Variants in TAFA2 observed in about 807,000 individuals in gnomAD.
TAFA2 encodes the protein chemokine-like protein TAFA-2.
A neutral mutation model predicts 18.8 loss-of-function variants in TAFA2; 7 were observed. That is an observed-to-expected ratio of 0.37 (90% CI 0.21 to 0.70). The LOEUF is 0.70. TAFA2 is among the 30% of genes least tolerant of loss of function. The pLI is 0.53. For missense variants in TAFA2, 122 were observed against 158.1 expected (o/e 0.77, Z 1.23); for synonymous variants, 60 against 54.2 (o/e 1.11, Z -0.47).
chr12:61,741,917 G>C (rs1868471181), intron 4 of TAFA2, among the ~76,000 whole-genome samples: 1 of 152,010 alleles, frequency 6.6e-6, no homozygotes, highest in South Asian at 2.1e-4. Context: ...TATTCTTTTA[G>C]ACAGAGTCTC....
In TAFA2 at chr12:62,053,915, A is replaced by C. The variant is rs1442141886; in HGVS notation, c.-2+137344T>G. ...CTTAATACATAGAAAATGTTGAATA[A>C]ATGTCAGCCATTAGTAATATGTTCA... On this transcript the variant is annotated intron_variant, in intron 1 of 4. Coordinates refer to ENST00000416284, the MANE Select transcript of TAFA2 (RefSeq NM_178539.5). Among the ~76,000 whole-genome samples the C allele has an allele frequency of 2.0e-5, 3 of 152,342 alleles. No individual in the cohort carries two copies. The East Asian group carries it at 5.8e-4, about 29-fold the overall frequency.
At chr12:62,145,835 C>A (rs953744436) in intron 1 of TAFA2, among the ~76,000 whole-genome samples, 3 of 152,242 alleles carry the variant, frequency 2.0e-5, no homozygotes, top group Non-Finnish European at 4.4e-5. Context: ...GTGACTTAAC[C>A]TTTGCTAGTG....
rs140152345 is a variant in TAFA2 at position 61,798,243 on chromosome 12, C to A, written c.107-43219G>T. ...GCTAATGCATCATGACCTATAATTA[C>A]AAAATCATTTCTCTTAACTATTTGG... is the stretch of plus-strand genomic sequence containing the variant. On this transcript the variant is annotated intron_variant, in intron 2 of 4. Coordinates refer to ENST00000416284, the MANE Select transcript of TAFA2 (RefSeq NM_178539.5). Among the ~76,000 whole-genome samples the A allele has an allele frequency of 6.2e-3, 951 of 152,176 alleles. 3 individuals are homozygous for A. The highest frequency in any genetic ancestry group is 0.02 in the African/African-American group (827 of 41,520).
intron 1 of TAFA2, among the ~76,000 whole-genome samples, chr12:61,922,784 G>A (rs1877111385): frequency 6.6e-6 from 1 of 152,128 alleles, no homozygotes; most frequent in South Asian, 2.1e-4. Flanking sequence ...TGAAGCCAGG[G>A]AGCTGAGTGG....
At chr12:62,153,628 C>A (rs547756426) in intron 1 of TAFA2, among the ~76,000 whole-genome samples, 1 of 152,066 alleles carries the variant, frequency 6.6e-6, no homozygotes, top group African/African-American at 2.4e-5. Flanking sequence ...TATGATTGAA[C>A]CCCTGCACTC....
At chr12:61,778,522 T>G (rs1176908374) in intron 2 of TAFA2, among the ~76,000 whole-genome samples, 1 of 151,806 alleles carries the variant, frequency 6.6e-6, no homozygotes, top group African/African-American at 2.4e-5. Context: ...CTCCCTCTCA[T>G]GCATGACTTT....
chr12:61,902,117 G>A (rs1228838195), intron 1 of TAFA2, among the ~76,000 whole-genome samples: 1 of 126,710 alleles, frequency 7.9e-6, no homozygotes, highest in Non-Finnish European at 1.5e-5. Context: ...AAAAAAACCT[G>A]TATCTTTCTG....
intron 1 of TAFA2, among the ~76,000 whole-genome samples, chr12:61,920,854 G>GAA (rs142889418): frequency 6.8e-6 from 1 of 146,366 alleles, no homozygotes; most frequent in African/African-American, 2.5e-5. Context: ...GCTCTGGGGA[G>GAA]AAAAAAAAAA....
intron 1 of TAFA2, among the ~76,000 whole-genome samples, chr12:61,958,525 A>G (rs1432217562): frequency 3.3e-5 from 5 of 151,974 alleles, no homozygotes; most frequent in African/African-American, 1.2e-4. Flanking sequence ...TAGTATTTAT[A>G]AAGTTATATC....
At chr12:62,244,799 T>G (rs1399022283) in intron 1 of TAFA2, among the ~76,000 whole-genome samples, 2 of 152,214 alleles carry the variant, frequency 1.3e-5, no homozygotes, top group African/African-American at 4.8e-5. Flanking sequence ...CTCATTGCAC[T>G]TTTATTTTGC....
rs78238278 is a variant in TAFA2, at chr12:62,136,712, T to C, written c.-2+54547A>G. Among the ~76,000 whole-genome samples the C allele has an allele frequency of 4.5e-3, 679 of 152,176 alleles. 6 individuals are homozygous for C. Among genetic ancestry groups the C allele is most frequent in the African/African-American group, 0.015 (629 of 41,518 alleles). ...GATAACATCTTCTAACCACAAAGTG[T>C]TGTGTGGTGAAATATTTGTTAAGAG... On this transcript the variant is annotated intron_variant, in intron 1 of 4. Coordinates refer to ENST00000416284, the MANE Select transcript of TAFA2 (RefSeq NM_178539.5).
At chr12:61,920,469 T>G (rs1321879307) in intron 1 of TAFA2, among the ~76,000 whole-genome samples, 2 of 152,196 alleles carry the variant, frequency 1.3e-5, no homozygotes. Flanking sequence ...AAACCTTATC[T>G]TCCATTAGTT....
chr12:62,207,480 AC>A (rs2062697046), intron 1 of TAFA2, among the ~76,000 whole-genome samples: 1 of 152,080 alleles, frequency 6.6e-6, no homozygotes, highest in Non-Finnish European at 1.5e-5. Context: ...AAACACACAC[AC>A]ACACACACAT....
At position 61,812,318 on chromosome 12, in the gene TAFA2, C is replaced by T. The variant is rs142806027; in HGVS notation, c.106+55002G>A. On this transcript the variant is annotated intron_variant, in intron 2 of 4. Transcript: ENST00000416284. ...AATGGTGTCTCCAAGTCAAGACCCT[C>T]CCAGTCAGATGGCCATCTGATGTCC... Among the ~76,000 whole-genome samples, 233 of 151,656 alleles carry T rather than the reference C, an allele frequency of 1.5e-3. 11 individuals carry two copies. Among genetic ancestry groups the T allele is most frequent in the African/African-American group, 5.3e-3 (218 of 40,930 alleles).
intron 2 of TAFA2, among the ~76,000 whole-genome samples, chr12:61,799,730 A>G (rs977722954): frequency 6.5e-4 from 99 of 152,112 alleles, no homozygotes; most frequent in East Asian, 4.1e-3. Context: ...GCTGAGGCAG[A>G]AGAATGGCAT....
chr12:61,900,490 T>A (rs1876049893), intron 1 of TAFA2, among the ~76,000 whole-genome samples: 1 of 152,164 alleles, frequency 6.6e-6, no homozygotes, highest in Admixed American at 6.5e-5. Context: ...TGACTTACAG[T>A]TAAGCATGGC....
intron 1 of TAFA2, among the ~76,000 whole-genome samples, chr12:61,911,015 A>G (rs1466507620): frequency 6.6e-6 from 1 of 152,194 alleles, no homozygotes; most frequent in African/African-American, 2.4e-5. Flanking sequence ...TGCATGGCTG[A>G]AGAGTTACAT....
intron 2 of TAFA2, among the ~76,000 whole-genome samples, chr12:61,853,400 A>C (rs951413682): frequency 2.6e-5 from 4 of 152,058 alleles, no homozygotes; most frequent in African/African-American, 9.7e-5. Context: ...GGAAGAGTAT[A>C]AAAAAAATTT....
At chr12:61,930,644 A>G (rs1877516956) in intron 1 of TAFA2, among the ~76,000 whole-genome samples, 1 of 152,234 alleles carries the variant, frequency 6.6e-6, no homozygotes, top group Non-Finnish European at 1.5e-5. Context: ...TTAATAGAGC[A>G]ACCATTTATA....
Sources: gnomAD v4.1 joint callset for allele counts (sites outside exome capture counted in the v4.1 genomes callset) on GRCh38, gnomAD v4.1.1 for gene constraint, MANE v1.5 for transcripts, NCBI Gene and HGNC (gene_info 2026-07-23, HGNC 2026-07-21) for gene names.